Variants in HMGA2 observed in about 807,000 individuals in gnomAD.
HMGA2 encodes high mobility group AT-hook 2.
HMGA2 carries 8 observed loss-of-function variants against 19.1 expected under a neutral mutation model. The ratio of observed to expected loss-of-function variants is 0.42; its 90% CI spans 0.25 to 0.76. HMGA2 has a LOEUF of 0.76. Among genes scored for constraint, HMGA2 ranks in the 30% least tolerant of loss-of-function variants. The probability of loss-of-function intolerance (pLI) is 0.28; values close to 1 mark genes in which losing one functional copy is unlikely to be tolerated. For synonymous variants in HMGA2, 60 were observed against 48.8 expected (o/e 1.23, Z -0.96); for missense variants, 109 against 136.3 (o/e 0.80, Z 1.00).
At chr12:65,938,027 T>C (rs1041255325) in intron 3 of HMGA2, among the ~76,000 whole-genome samples, 7 of 152,180 alleles carry the variant, frequency 4.6e-5, no homozygotes, top group Admixed American at 3.9e-4. Context: ...GCTGGTCCCA[T>C]TCCCCTTGCA....
At chr12:65,872,142 A>G (rs1872741255) in intron 3 of HMGA2, among the ~76,000 whole-genome samples, 1 of 152,152 alleles carries the variant, frequency 6.6e-6, no homozygotes, top group East Asian at 1.9e-4. Context: ...CATCCTTCCT[A>G]GGGTCCCCCT....
rs560137787 is a variant in HMGA2 at position 65,825,291 on chromosome 12, C to T, written c.21C>T (p.Gly7=). 7 of 1,532,754 alleles carry T rather than the reference C, an allele frequency of 4.6e-6. No homozygotes were observed. In the African/African-American group the frequency reaches 9.7e-5, roughly 21 times the overall value. The allele number at this position is 1,532,754 out of a possible 1,614,324, so 94.9% of individuals were successfully genotyped here. A position where few individuals can be genotyped will look rare whatever the true frequency, so the allele number is the denominator to read the frequency against. The change falls in exon 1 of 5, where the codon GGC becomes GGT. Residue 7 remains glycine, a synonymous_variant. Coordinates refer to ENST00000403681, the MANE Select transcript of HMGA2 (RefSeq NM_003483.6). This position sits in a 1 kb window ranked among gnomAD's most constrained non-coding sequence, Gnocchi z 4.4. The stretch of plus-strand genomic sequence containing the variant: ...GCAGGATGAGCGCACGCGGTGAGGG[C>T]GCGGGGCAGCCGTCCACTTCAGCCC... MSARGE[G]AGQPSTSAQG...
At chr12:65,936,199 T>C (rs1875888134) in intron 3 of HMGA2, among the ~76,000 whole-genome samples, 1 of 138,028 alleles carries the variant, frequency 7.2e-6, no homozygotes, top group Admixed American at 7.4e-5. Flanking sequence ...TCTGTAAATC[T>C]TTTGTTCCAT....
At chr12:65,891,093 T>C (rs17101853) in intron 3 of HMGA2, among the ~76,000 whole-genome samples, 41,013 of 152,078 alleles carry the variant, frequency 0.27, 8,425 homozygotes, top group African/African-American at 0.57. Flanking sequence ...ACCTCCTCTT[T>C]CATCCATTGG....
chr12:65,875,242 C>T (rs1283282959), intron 3 of HMGA2, among the ~76,000 whole-genome samples: 2 of 152,070 alleles, frequency 1.3e-5, no homozygotes, highest in African/African-American at 4.8e-5. Flanking sequence ...GCAATAATAC[C>T]AGATGTATTT....
At chr12:65,898,090 T>C (rs185241484) in intron 3 of HMGA2, among the ~76,000 whole-genome samples, 24 of 152,286 alleles carry the variant, frequency 1.6e-4, no homozygotes, top group African/African-American at 5.8e-4. Flanking sequence ...GCTAAGTGTA[T>C]GTATTTTAAT....
At chr12:65,869,887 G>T (rs1296093528) in intron 3 of HMGA2, among the ~76,000 whole-genome samples, 1 of 152,140 alleles carries the variant, frequency 6.6e-6, no homozygotes, top group Admixed American at 6.5e-5. Flanking sequence ...ACCCAGGTTT[G>T]TCAGACTCTA....
chr12:65,926,167 C>T (rs1179909127), intron 3 of HMGA2, among the ~76,000 whole-genome samples: 1 of 152,152 alleles, frequency 6.6e-6, no homozygotes, highest in East Asian at 1.9e-4. Flanking sequence ...TAGGGAAGCT[C>T]GGATTTTTGA....
At position 65,824,849 on chromosome 12, in the gene HMGA2, C is replaced by T. The variant is rs1246597617; in HGVS notation, c.-422C>T. The T allele has an allele frequency of 3.9e-6, 1 of 254,452 alleles. No homozygotes were observed. Among genetic ancestry groups the T allele is most frequent in the Non-Finnish European group, 7.6e-6 (1 of 132,188 alleles). The allele number at this position is 254,452 out of a possible 1,614,324, so 15.8% of individuals were successfully genotyped here. Reference sequence around the variant, plus strand: ...ACACAATTCACTCCAAGTCTCTTCCCTTTCCAAGCCGCTTCCGAAGTGCTC... The same window carrying T: ...ACACAATTCACTCCAAGTCTCTTCCTTTTCCAAGCCGCTTCCGAAGTGCTC... On this transcript the variant is annotated 5_prime_UTR_variant, in exon 1 of 5. Coordinates refer to ENST00000403681, the MANE Select transcript of HMGA2 (RefSeq NM_003483.6).
At chr12:65,927,307 C>T (rs565727596) in intron 3 of HMGA2, among the ~76,000 whole-genome samples, 2 of 152,278 alleles carry the variant, frequency 1.3e-5, no homozygotes, top group Non-Finnish European at 1.5e-5. Context: ...CTACCATCCA[C>T]GGCCATACCA....
Position 65,892,887 on chromosome 12 carries a change from G to C in HMGA2, c.249+54318G>C, listed in dbSNP as rs369271137. Among the ~76,000 whole-genome samples, 14 of 152,274 alleles carry C rather than the reference G, an allele frequency of 9.2e-5. No individual in the cohort carries two copies. In the South Asian group the frequency reaches 2.1e-3, roughly 23 times the overall value. On this transcript the variant is annotated intron_variant, in intron 3 of 4. Coordinates refer to ENST00000403681, the MANE Select transcript of HMGA2 (RefSeq NM_003483.6). ...CTTCAAGCACAATTATAAATGTGTA[G>C]CTCTTTCAAGCGGCGGAAACCTACA... is the stretch of plus-strand genomic sequence containing the variant.
In HMGA2 at chr12:65,900,464, C is replaced by G. The variant is rs186719152; in HGVS notation, c.250-50919C>G. Among the ~76,000 whole-genome samples, 51 of 152,302 alleles carry G rather than the reference C, an allele frequency of 3.3e-4. 1 individual carries two copies. The highest frequency in any genetic ancestry group is 1.2e-3 in the African/African-American group (51 of 41,552). On this transcript the variant is annotated intron_variant, in intron 3 of 4. Coordinates refer to ENST00000403681, the MANE Select transcript of HMGA2 (RefSeq NM_003483.6). ...TGAATGCCAGAGAGCAGAACTTAACCAGACCTAAATCTTGAACCTGGTTCA... is the reference window on the plus strand; with the variant it reads ...TGAATGCCAGAGAGCAGAACTTAACGAGACCTAAATCTTGAACCTGGTTCA...
In HMGA2 at chr12:65,825,597, G is replaced by T. The variant is rs1305821395; in HGVS notation, c.111+216G>T. 1.3e-5 allele frequency among the ~76,000 whole-genome samples: 2 copies of T among 151,546 alleles called. No homozygotes were observed. The highest frequency in any genetic ancestry group is 4.8e-5 in the African/African-American group (2 of 41,464). ...GGGCGGGGAGGTGGGGAGCCGCGGCGGGCGGCCCGGGGAAGGCGGGAGGTG... is the reference window on the plus strand; with the variant it reads ...GGGCGGGGAGGTGGGGAGCCGCGGCTGGCGGCCCGGGGAAGGCGGGAGGTG... On this transcript the variant is annotated intron_variant, in intron 1 of 4. Transcript: ENST00000403681. The surrounding 1 kb of genome is among the most constrained non-coding windows in gnomAD (Gnocchi z 4.4).
rs1453748071 is a variant in HMGA2 at position 65,891,395 on chromosome 12, T to C, written c.249+52826T>C. Among the ~76,000 whole-genome samples, 8 of 152,308 alleles carry C rather than the reference T, an allele frequency of 5.3e-5. No homozygotes were observed. The East Asian group carries it at 1.5e-3, about 29-fold the overall frequency. On this transcript the variant is annotated intron_variant, in intron 3 of 4. Transcript: ENST00000403681. ...TGGTTCCATCAGTAGTGATTCATGA[T>C]GTTGAACTACAATAATATTTTCCTC...
At chr12:65,876,572 T>C (rs1873042046) in intron 3 of HMGA2, among the ~76,000 whole-genome samples, 1 of 152,242 alleles carries the variant, frequency 6.6e-6, no homozygotes, top group Admixed American at 6.5e-5. Flanking sequence ...CTAATTTGGT[T>C]GTTCTCCATT....
intron 3 of HMGA2, among the ~76,000 whole-genome samples, chr12:65,902,944 T>C (rs759560183): frequency 6.6e-6 from 1 of 152,156 alleles, no homozygotes; most frequent in Admixed American, 6.5e-5. Context: ...AGTGAGATAG[T>C]TATATAAACC....
intron 3 of HMGA2, chr12:65,857,623 C>T (rs1325023909): frequency 6.6e-6 from 1 of 152,166 alleles, no homozygotes; most frequent in Non-Finnish European, 1.5e-5. Context: ...AAACAGTCTT[C>T]CTGACTGCAT....
At chr12:65,892,195 T>C (rs1042275122) in intron 3 of HMGA2, among the ~76,000 whole-genome samples, 10 of 152,200 alleles carry the variant, frequency 6.6e-5, no homozygotes, top group African/African-American at 2.2e-4. Flanking sequence ...CGTCACATGA[T>C]TGTGATTCAT....
intron 3 of HMGA2, among the ~76,000 whole-genome samples, chr12:65,870,229 G>A (rs1872642047): frequency 6.6e-6 from 1 of 152,162 alleles, no homozygotes; most frequent in Admixed American, 6.5e-5. Context: ...CAGGTGTTAG[G>A]CTGAGCACAT....
Sources: gnomAD v4.1 joint callset for allele counts (sites outside exome capture counted in the v4.1 genomes callset) on GRCh38, gnomAD v4.1.1 for gene constraint, Gnocchi (gnomAD v3.1) non-coding constraint, MANE v1.5 for transcripts, NCBI Gene and HGNC (gene_info 2026-07-23, HGNC 2026-07-21) for gene names.